Variants in ASPRV1 observed in about 807,000 individuals in gnomAD.
ASPRV1 encodes aspartic peptidase retroviral like 1.
In ASPRV1, 7 loss-of-function variants were observed where a neutral mutation model predicts 11.0. The ratio of observed to expected loss-of-function variants is 0.64; its 90% CI spans 0.36 to 1.20. The LOEUF is 1.20. Ranked by LOEUF, ASPRV1 falls within the 50% of genes most tolerant of loss-of-function variation. The pLI, the probability that ASPRV1 is intolerant of heterozygous loss-of-function variation, is 0.02. For synonymous variants in ASPRV1, 136 were observed against 138.4 expected, an observed-to-expected ratio of 0.98 and a Z score of 0.12; for missense variants, 299 against 320.0, an observed-to-expected ratio of 0.93 and a Z score of 0.50.
the ASPRV1 span, among the ~76,000 whole-genome samples, chr2:69,969,083 G>C: frequency 2.0e-5 from 3 of 152,194 alleles, no homozygotes; most frequent in Non-Finnish European, 1.5e-5. Flanking sequence ...TTGACAGGCA[G>C]TTTCTAGAAG....
At chr2:70,022,362 T>TACACACAC in the ASPRV1 span, among the ~76,000 whole-genome samples, 2 of 113,536 alleles carry the variant, frequency 1.8e-5, no homozygotes, top group Admixed American at 1.1e-4. Flanking sequence ...CACACACACT[T>TACACACAC]ACACACACAC....
chr2:69,989,554 CCCTGCCAGT>C, the ASPRV1 span, among the ~76,000 whole-genome samples: 2 of 152,228 alleles, frequency 1.3e-5, no homozygotes, highest in South Asian at 4.1e-4. Context: ...GCCCAGCCAG[CCCTGCCAGT>C]CCTGGCCAGT....
the ASPRV1 span, chr2:70,050,548 A>G: frequency 6.6e-6 from 1 of 152,208 alleles, no homozygotes; most frequent in Non-Finnish European, 1.5e-5. Flanking sequence ...ACACAGAAAA[A>G]AAGCTACATA....
At chr2:70,036,026 C>G in the ASPRV1 span, among the ~76,000 whole-genome samples, 1 of 150,570 alleles carries the variant, frequency 6.6e-6, no homozygotes, top group Non-Finnish European at 1.5e-5. Flanking sequence ...GGCTGAATAT[C>G]TGAGTTTGAA....
chr2:70,035,242 C>T, the ASPRV1 span, among the ~76,000 whole-genome samples: 4 of 152,118 alleles, frequency 2.6e-5, no homozygotes, highest in Non-Finnish European at 5.9e-5. Flanking sequence ...CTCTCAGCAG[C>T]CTGATCTTTT....
chr2:70,019,317 T>C, the ASPRV1 span: 1 of 152,148 alleles, frequency 6.6e-6, no homozygotes, highest in Non-Finnish European at 1.5e-5. Flanking sequence ...CTGACGCAAA[T>C]GTGAATTAGT....
the ASPRV1 span, chr2:70,029,876 A>C: frequency 6.6e-6 from 1 of 152,244 alleles, no homozygotes; most frequent in African/African-American, 2.4e-5. Flanking sequence ...GGCACAGTGA[A>C]TTGTGAGCTG....
At chr2:69,993,182 C>A in the ASPRV1 span, among the ~76,000 whole-genome samples, 1,385 of 152,252 alleles carry the variant, frequency 9.1e-3, 28 homozygotes, top group African/African-American at 0.032. Context: ...GGCCACGTAG[C>A]GAAGAGGGCA....
chr2:69,951,980 AT>A, the ASPRV1 span, among the ~76,000 whole-genome samples: 4,554 of 152,274 alleles, frequency 0.03, 198 homozygotes, highest in Admixed American at 0.11. Flanking sequence ...TTTCAAATTC[AT>A]TTTCACCCAC....
the ASPRV1 span, among the ~76,000 whole-genome samples, chr2:70,033,276 A>ACACACACAC: frequency 1.4e-5 from 2 of 141,512 alleles, no homozygotes; most frequent in African/African-American, 5.3e-5. Context: ...TCAAACAGAA[A>ACACACACAC]ACACACACAC....
the ASPRV1 span, chr2:69,938,915 C>A: frequency 1.3e-5 from 2 of 152,714 alleles, no homozygotes; most frequent in Non-Finnish European, 2.9e-5. Context: ...GATAGTGTGT[C>A]TCTGGGGTTG....
chr2:70,056,625 A>AAAAAAAAAAAAG, the ASPRV1 span: 4 of 145,276 alleles, frequency 2.8e-5, no homozygotes, highest in South Asian at 2.3e-4. Context: ...AAAAAAAAAA[A>AAAAAAAAAAAAG]GTGGTTAAAA....
chr2:70,083,046 T>C, the ASPRV1 span, among the ~76,000 whole-genome samples: 1 of 152,086 alleles, frequency 6.6e-6, no homozygotes, highest in Non-Finnish European at 1.5e-5. Flanking sequence ...AACCCATAAA[T>C]GTAAACATCA....
At chr2:70,086,218 C>G in the ASPRV1 span, 1 of 152,070 alleles carries the variant, frequency 6.6e-6, no homozygotes, top group Non-Finnish European at 1.5e-5. Context: ...GCTTTCGGGC[C>G]GACCCCAATT....
At chr2:69,990,041 GCCATGAT>G in the ASPRV1 span, among the ~76,000 whole-genome samples, 2 of 152,194 alleles carry the variant, frequency 1.3e-5, no homozygotes, top group Non-Finnish European at 2.9e-5. Context: ...GTGTCCTGTT[GCCATGAT>G]CCTCATTTTT....
the ASPRV1 span, chr2:70,015,460 C>G: frequency 1.3e-5 from 2 of 152,094 alleles, no homozygotes; most frequent in African/African-American, 4.8e-5. Flanking sequence ...GATGGGAAAC[C>G]CATGTACATG....
chr2:70,044,117 CTCAT>C, the ASPRV1 span, among the ~76,000 whole-genome samples: 1 of 151,300 alleles, frequency 6.6e-6, no homozygotes. Context: ...ATCTTATAAA[CTCAT>C]TCATACTTCC....
the ASPRV1 span, among the ~76,000 whole-genome samples, chr2:70,028,975 C>T: frequency 6.6e-6 from 1 of 152,060 alleles, no homozygotes; most frequent in Non-Finnish European, 1.5e-5. Context: ...TTCTCCTTCC[C>T]AAAATATCAA....
the ASPRV1 span, among the ~76,000 whole-genome samples, chr2:70,028,791 A>T: frequency 6.6e-6 from 1 of 152,058 alleles, no homozygotes; most frequent in Non-Finnish European, 1.5e-5. Flanking sequence ...ACGCAACAAA[A>T]AATAGCCAGG....
Sources: gnomAD v4.1 joint callset for allele counts (sites outside exome capture counted in the v4.1 genomes callset) on GRCh38, gnomAD v4.1.1 for gene constraint, MANE v1.5 for transcripts, NCBI Gene and HGNC (gene_info 2026-07-23, HGNC 2026-07-21) for gene names.